Variants in ECM2 observed in about 807,000 individuals in gnomAD.
ECM2 encodes extracellular matrix protein 2, female organ and adipocyte specific.
A neutral mutation model predicts 67.5 loss-of-function variants in ECM2; 57 were observed. The observed-to-expected ratio is 0.84, with a 90% CI of 0.68 to 1.05. ECM2 has a LOEUF of 1.05. Among genes scored for constraint, ECM2 ranks in the 50% least tolerant of loss-of-function variants. The pLI is 0.00. For missense variants in ECM2, 741 were observed against 822.8 expected (o/e 0.90, Z 1.22); for synonymous variants, 258 against 294.5 (o/e 0.88, Z 1.27).
In ECM2 at chr9:92,522,600, T is replaced by A. The variant is rs1433292434; in HGVS notation, c.267A>T (p.Val89=). 1.2e-6 allele frequency: 2 copies of A among 1,613,436 alleles called. No individual in the cohort carries two copies. Among genetic ancestry groups the A allele is most frequent in the South Asian group, 2.2e-5 (2 of 91,010 alleles). The change falls in exon 2 of 10, where the codon GTA becomes GTT. Residue 89 remains valine, a synonymous_variant. Transcript: ENST00000344604. ...CTGGTAACACATTATAACTTGATTCTACTCCAGGAAAACTTGAAAAGGATT... is the reference window on the plus strand; with the variant it reads ...CTGGTAACACATTATAACTTGATTCAACTCCAGGAAAACTTGAAAAGGATT... ...KFESFSSFPG[V]ESSYNVLPGK...
At position 92,514,668 on chromosome 9, in the gene ECM2, C is replaced by T. The variant is rs781597574; in HGVS notation, c.1017G>A (p.Pro339=). 1.4e-5 allele frequency: 23 copies of T among 1,602,476 alleles called. No homozygotes were observed. The Admixed American group carries it at 2.4e-4, about 17-fold the overall frequency. ...CINAMLTQIP[P]LTAPQITSLE... is the part of the protein sequence containing the mutation. ...GACTTGTTATCTGTGGTGCTGTCAG[C>T]GGTGGTATCTGGGTAAGCATGGCGT... Residue 339 remains proline, a synonymous_variant, in exon 4 of 10, where the codon CCG becomes CCA. Coordinates refer to ENST00000344604, the MANE Select transcript of ECM2 (RefSeq NM_001393.4).
At chr9:92,496,540 G>T in intron 9 of ECM2, 57 bp from the exon 10 acceptor site, 2 of 1,559,550 alleles carry the variant, frequency 1.3e-6, no homozygotes, top group Non-Finnish European at 1.7e-6. Flanking sequence ...CTGCCTTTAG[G>T]AGTTAAGTTT....
At chr9:92,551,650 G>A in the ECM2 span, among the ~76,000 whole-genome samples, 1 of 151,892 alleles carries the variant, frequency 6.6e-6, no homozygotes, top group Non-Finnish European at 1.5e-5. Flanking sequence ...CACCCTATTT[G>A]TTGTCTTTTA....
At chr9:92,545,279 T>C in the ECM2 span, among the ~76,000 whole-genome samples, 3 of 151,118 alleles carry the variant, frequency 2.0e-5, no homozygotes, top group South Asian at 6.3e-4. Flanking sequence ...GAGAGAGAGG[T>C]ACGGGCGGGA....
At chr9:92,524,246 T>C (rs749462096) in intron 1 of ECM2, among the ~76,000 whole-genome samples, 5 of 152,130 alleles carry the variant, frequency 3.3e-5, no homozygotes, top group African/African-American at 4.8e-5. Context: ...TAGCATCAGT[T>C]ATAAGGAGGT....
chr9:92,528,939 G>A (rs1848579236), intron 1 of ECM2, among the ~76,000 whole-genome samples: 1 of 152,198 alleles, frequency 6.6e-6, no homozygotes, highest in Admixed American at 6.5e-5. Context: ...AATAAAGTAG[G>A]TGTTTAAAAA....
the ECM2 span, among the ~76,000 whole-genome samples, chr9:92,548,446 ATAT>A: frequency 1.3e-5 from 2 of 152,222 alleles, no homozygotes; most frequent in African/African-American, 4.8e-5. Context: ...ACTTGCCAGG[ATAT>A]TAAAGATTTT....
intron 9 of ECM2, among the ~76,000 whole-genome samples, chr9:92,497,949 C>T (rs1564354655): frequency 6.6e-6 from 1 of 151,546 alleles, no homozygotes; most frequent in Admixed American, 6.6e-5. Context: ...GTAATCTCTA[C>T]ACACTCCATC....
At chr9:92,526,120 T>C (rs1025375444) in intron 1 of ECM2, among the ~76,000 whole-genome samples, 1 of 152,102 alleles carries the variant, frequency 6.6e-6, no homozygotes, top group South Asian at 2.1e-4. Flanking sequence ...ATGAGTGTTA[T>C]TACCCATGAA....
Position 92,505,567 on chromosome 9 carries a change from C to G in ECM2, c.1430G>C (p.Arg477Thr). ...ACCAGGAAGACCCTGCGGTATAATTCTAAATTTATTTTTTCCCAGACGCAA... is the reference window on the plus strand; with the variant it reads ...ACCAGGAAGACCCTGCGGTATAATTGTAAATTTATTTTTTCCCAGACGCAA... ...AYLRLGKNKFRIIPQGLPGSI... is the reference protein window; with the variant it reads ...AYLRLGKNKFTIIPQGLPGSI... The change falls in exon 7 of 10, where the codon AGA becomes ACA. Residue 477 changes from arginine (R) to threonine (T), a missense_variant. Coordinates refer to ENST00000344604, the MANE Select transcript of ECM2 (RefSeq NM_001393.4). 6.2e-7 allele frequency: 1 copy of G among 1,606,944 alleles called. No individual in the cohort carries two copies. The highest frequency in any genetic ancestry group is 8.5e-7 in the Non-Finnish European group (1 of 1,178,328).
the ECM2 span, among the ~76,000 whole-genome samples, chr9:92,542,070 G>A: frequency 1.3e-5 from 2 of 152,188 alleles, no homozygotes; most frequent in Middle Eastern, 3.2e-3. Flanking sequence ...GGGATTATAG[G>A]CGTGAGCCAC....
intron 2 of ECM2, among the ~76,000 whole-genome samples, chr9:92,519,028 T>TC: frequency 6.6e-6 from 1 of 152,324 alleles, no homozygotes; most frequent in East Asian, 1.9e-4. Flanking sequence ...GGGATGTTTT[T>TC]CTTCCAACCC....
At chr9:92,521,785 T>G (rs1279304621) in intron 2 of ECM2, among the ~76,000 whole-genome samples, 2 of 152,184 alleles carry the variant, frequency 1.3e-5, no homozygotes, top group Non-Finnish European at 2.9e-5. Flanking sequence ...GGTTGAAAAT[T>G]TTTGGTTGAA....
chr9:92,549,653 A>AC, the ECM2 span, among the ~76,000 whole-genome samples: 2 of 142,228 alleles, frequency 1.4e-5, no homozygotes, highest in Non-Finnish European at 3.0e-5. Context: ...TCTCAAAAAA[A>AC]AAAAACAAAA....
the ECM2 span, among the ~76,000 whole-genome samples, chr9:92,547,607 A>G: frequency 6.6e-6 from 1 of 152,238 alleles, no homozygotes; most frequent in Non-Finnish European, 1.5e-5. Context: ...AATGTCCAAA[A>G]TAGACGAATC....
the ECM2 span, among the ~76,000 whole-genome samples, chr9:92,552,504 C>G: frequency 1.2e-4 from 18 of 152,056 alleles, no homozygotes; most frequent in African/African-American, 4.1e-4. Context: ...ATGCCAACAT[C>G]TACTGTTTTT....
Position 92,514,875 on chromosome 9 carries a change from C to T in ECM2, c.810G>A (p.Glu270=), listed in dbSNP as rs757342112. 6.2e-7 allele frequency: 1 copy of T among 1,613,520 alleles called. No individual in the cohort carries two copies. The highest frequency in any genetic ancestry group is 1.7e-5 in the Admixed American group (1 of 60,006). ...LAHQQQRQGR[E]EEEDEEEEGE... is the part of the protein sequence containing the mutation. ...CCTCCTCCTCCTCATCCTCCTCCTC[C>T]TCCCTTCCTTGGCGTTGTTGCTGGT... is the stretch of plus-strand genomic sequence containing the variant. Residue 270 remains glutamate, a synonymous_variant, in exon 4 of 10, where the codon GAG becomes GAA. Transcript: ENST00000344604.
the ECM2 span, among the ~76,000 whole-genome samples, chr9:92,553,164 G>A: frequency 6.6e-6 from 1 of 152,056 alleles, no homozygotes; most frequent in African/African-American, 2.4e-5. Flanking sequence ...TTGTTGAAAA[G>A]GTTGTCCTTT....
rs758296037 is a variant in ECM2, at chr9:92,509,848, T to C, written c.1306+51A>G. 3.9e-6 allele frequency: 6 copies of C among 1,554,224 alleles called. No homozygotes were observed. The African/African-American group carries it at 5.5e-5, about 14-fold the overall frequency. ...AGTAAATAAAATTTCTACAGGACTA[T>C]ATAGGAAAGATTATAAGGAAGCATA... On this transcript the variant is annotated intron_variant, in intron 6 of 9. Coordinates refer to ENST00000344604, the MANE Select transcript of ECM2 (RefSeq NM_001393.4).
Sources: allele counts gnomAD v4.1 joint callset (sites outside exome capture counted in the v4.1 genomes callset), GRCh38; gene constraint gnomAD v4.1.1; transcripts MANE v1.5; gene names NCBI Gene and HGNC (gene_info 2026-07-23, HGNC 2026-07-21).